Variants in LRRFIP2 observed in about 807,000 individuals in gnomAD.
The protein encoded by LRRFIP2 is leucine-rich repeat flightless-interacting protein 2.
In LRRFIP2, 109 loss-of-function variants were observed where a neutral mutation model predicts 125.9. That is an observed-to-expected ratio of 0.87 (90% CI 0.74 to 1.01). LRRFIP2 has a LOEUF of 1.01. Ranked by LOEUF, LRRFIP2 falls within the 50% of genes least tolerant of loss-of-function variation. LRRFIP2 has a pLI of 0.00. For missense variants in LRRFIP2, 850 were observed against 862.3 expected (o/e 0.99, Z 0.18); for synonymous variants, 291 against 293.1 (o/e 0.99, Z 0.07).
intron 21 of LRRFIP2, among the ~76,000 whole-genome samples, chr3:37,070,808 T>C (rs1033241288): frequency 3.9e-5 from 6 of 151,966 alleles, no homozygotes; most frequent in Non-Finnish European, 8.8e-5. Flanking sequence ...ATCTGAGGGG[T>C]TTCTATGGCT....
intron 13 of LRRFIP2, 21 bp downstream of exon 13, chr3:37,108,052 T>C (rs1303842712): frequency 6.2e-7 from 1 of 1,608,736 alleles, no homozygotes; most frequent in Non-Finnish European, 8.5e-7. Context: ...CTACAAAGCA[T>C]GCAGAGACTA....
intron 6 of LRRFIP2, among the ~76,000 whole-genome samples, chr3:37,116,475 T>C (rs1052481622): frequency 1.3e-5 from 2 of 151,982 alleles, no homozygotes; most frequent in African/African-American, 4.8e-5. Flanking sequence ...GAAGAGAAAA[T>C]ATTAGAGGGT....
intron 1 of LRRFIP2, among the ~76,000 whole-genome samples, chr3:37,152,398 C>A (rs1342081217): frequency 6.6e-6 from 1 of 152,144 alleles, no homozygotes; most frequent in Non-Finnish European, 1.5e-5. Flanking sequence ...CACTAAAGAA[C>A]TTACCCACAT....
At chr3:37,105,053 C>T (rs2094249724) in intron 14 of LRRFIP2, among the ~76,000 whole-genome samples, 1 of 152,028 alleles carries the variant, frequency 6.6e-6, no homozygotes, top group African/African-American at 2.4e-5. Flanking sequence ...AATCTAAATA[C>T]AACAATATAG....
chr3:37,156,673 CAAAAAAAAAAAA>C (rs59647339), intron 1 of LRRFIP2, among the ~76,000 whole-genome samples: 1,788 of 30,580 alleles, frequency 0.058, 14 homozygotes, highest in Middle Eastern at 0.11. Flanking sequence ...GACTCAGTAT[CAAAAAAAAAAAA>C]AAAAAAAAAA....
chr3:37,101,397 G>A (rs2094036920), intron 15 of LRRFIP2, among the ~76,000 whole-genome samples: 1 of 151,444 alleles, frequency 6.6e-6, no homozygotes, highest in Non-Finnish European at 1.5e-5. Flanking sequence ...AGAAGTGATG[G>A]CTCATGCCTG....
chr3:37,098,904 A>G (rs1293620677), intron 15 of LRRFIP2, among the ~76,000 whole-genome samples: 31 of 152,318 alleles, frequency 2.0e-4, no homozygotes, highest in Non-Finnish European at 3.5e-4. Flanking sequence ...ATTCAAAATT[A>G]AAAGTCTTCT....
rs149799263 is a variant in LRRFIP2 at position 37,129,045 on chromosome 3, G to A, written c.177+18C>T. ...TGGGGGAGACAAATATGAAATTAGG[G>A]TTATTCCCTCAAATTACCTCTTTTT... On this transcript the variant is annotated intron_variant, in intron 3 of 27. Transcript: ENST00000336686. 2.5e-6 allele frequency: 4 copies of A among 1,605,642 alleles called. No individual in the cohort carries two copies. The African/African-American group carries it at 4.0e-5, about 16-fold the overall frequency.
rs1188182197 is a variant in LRRFIP2, at chr3:37,058,838, G to A, written c.1822C>T (p.Leu608=). The A allele has an allele frequency of 6.2e-7, 1 of 1,614,016 alleles. No individual in the cohort carries two copies. Residue 608 remains leucine (L), a synonymous_variant, in exon 25 of 28, where the codon CTG becomes TTG. Transcript: ENST00000336686. ...CSRNDGTVGD[L]AGLQNGSDLQ... is the part of the protein sequence containing the mutation. ...TCTGAGCCATTCTGCAGTCCTGCCA[G>A]GTCACCCACTGTGCCATCATTCCTG...
chr3:37,058,034 GA>G (rs2087419784), intron 25 of LRRFIP2, among the ~76,000 whole-genome samples: 1 of 152,158 alleles, frequency 6.6e-6, no homozygotes, highest in Admixed American at 6.5e-5. Context: ...GGAAAATTCT[GA>G]AACTACTCAA....
chr3:37,113,546 C>G (rs1361892415), intron 7 of LRRFIP2, among the ~76,000 whole-genome samples: 1 of 152,108 alleles, frequency 6.6e-6, no homozygotes, highest in East Asian at 1.9e-4. Context: ...AAGTGATCCT[C>G]CTGCCTCAAC....
intron 23 of LRRFIP2, 149 bp from the exon 24 acceptor site, chr3:37,063,940 T>G: frequency 1.6e-6 from 1 of 626,710 alleles, no homozygotes; most frequent in Non-Finnish European, 2.9e-6. Context: ...AAGGTGTTAA[T>G]AGCATTACAG....
At chr3:37,123,403 G>A (rs368227465) in intron 4 of LRRFIP2, among the ~76,000 whole-genome samples, 7 of 152,106 alleles carry the variant, frequency 4.6e-5, no homozygotes, top group East Asian at 3.9e-4. Context: ...TGGCCAGGCT[G>A]GTCTCGAATT....
chr3:37,092,931 C>T (rs1428230537), intron 17 of LRRFIP2, among the ~76,000 whole-genome samples: 1 of 152,108 alleles, frequency 6.6e-6, no homozygotes, highest in African/African-American at 2.4e-5. Flanking sequence ...CTCTGCCTCC[C>T]GGGTTCAAGC....
chr3:37,056,547 A>G (rs560242672), intron 25 of LRRFIP2, among the ~76,000 whole-genome samples: 1 of 151,424 alleles, frequency 6.6e-6, no homozygotes, highest in South Asian at 2.1e-4. Context: ...TCCATCACCC[A>G]GGTTCACGCC....
At chr3:37,059,791 A>AT (rs2088003505) in intron 24 of LRRFIP2, among the ~76,000 whole-genome samples, 1 of 119,920 alleles carries the variant, frequency 8.3e-6, no homozygotes, top group African/African-American at 3.2e-5. Context: ...GTCTCAAAAA[A>AT]AAAAAAAATA....
rs553475214 is a variant in LRRFIP2, at chr3:37,119,129, A to G, written c.330+2363T>C. 1.3e-4 allele frequency among the ~76,000 whole-genome samples: 20 copies of G among 152,342 alleles called. No homozygotes were observed. The East Asian group carries it at 3.7e-3, about 28-fold the overall frequency. On this transcript the variant is annotated intron_variant, in intron 6 of 27. Transcript: ENST00000336686. ...TAAACTGTGTTAGATGTGCACTCACAGAGAGTAATGTACTAGAATCTCCTC... is the reference window on the plus strand; with the variant it reads ...TAAACTGTGTTAGATGTGCACTCACGGAGAGTAATGTACTAGAATCTCCTC...
rs2149055035 is a variant in LRRFIP2 at position 37,083,675 on chromosome 3, C to T, written c.1239G>A (p.Gln413=). The T allele has an allele frequency of 1.9e-6, 3 of 1,575,174 alleles. No individual in the cohort carries two copies. Among genetic ancestry groups the T allele is most frequent in the East Asian group, 4.8e-5 (2 of 41,874 alleles). The change falls in exon 19 of 28, where the codon CAG becomes CAA. Residue 413 remains glutamine (Q), a synonymous_variant. Transcript: ENST00000336686. Reference sequence around the variant, plus strand: ...CATTTTCTCTATAAAATTCTGCCATCTGTTCCTCCTGCTCTTCAATAACAT... The same window carrying T: ...CATTTTCTCTATAAAATTCTGCCATTTGTTCCTCCTGCTCTTCAATAACAT... ...LKDVIEEQEE[Q]MAEFYRENEE... is the part of the protein sequence containing the mutation.
chr3:37,122,120 A>G (rs2095079046), intron 4 of LRRFIP2, among the ~76,000 whole-genome samples: 1 of 123,512 alleles, frequency 8.1e-6, no homozygotes, highest in Non-Finnish European at 1.6e-5. Context: ...TCCTGTGTCC[A>G]AGTGTTCTCA....
Sources: allele counts gnomAD v4.1 joint callset (sites outside exome capture counted in the v4.1 genomes callset), GRCh38; gene constraint gnomAD v4.1.1; transcripts MANE v1.5; gene names NCBI Gene and HGNC (gene_info 2026-07-23, HGNC 2026-07-21).